DDA1: variants seen among roughly 807,000 people sequenced by gnomAD.
DDA1 encodes DET1- and DDB1-associated protein 1.
DDA1 carries 3 observed loss-of-function variants against 18.6 expected under a neutral mutation model. The observed-to-expected ratio is 0.16, with a 90% CI of 0.07 to 0.42. DDA1 has a LOEUF of 0.42. DDA1 is among the 10% of genes least tolerant of loss of function. DDA1 has a pLI of 0.99. For missense variants in DDA1, 105 were observed against 138.2 expected, an observed-to-expected ratio of 0.76 and a Z score of 1.20; for synonymous variants, 52 against 54.0, an observed-to-expected ratio of 0.96 and a Z score of 0.17.
rs1174779827 is a variant in DDA1 at position 17,321,136 on chromosome 19, T to G, written c.*1480T>G. On this transcript the variant is annotated 3_prime_UTR_variant, in exon 5 of 5. Transcript: ENST00000359866. Reference sequence around the variant, plus strand: ...GCACCCACCACCATGCCTGGCTAATTTTTTTTTTTTTTTGAGATGGAGTCT... The same window carrying G: ...GCACCCACCACCATGCCTGGCTAATGTTTTTTTTTTTTTGAGATGGAGTCT... 3 of 143,436 alleles carry G rather than the reference T, an allele frequency of 2.1e-5. No homozygotes were observed. Among genetic ancestry groups the G allele is most frequent in the Non-Finnish European group, 4.5e-5 (3 of 66,010 alleles). The allele number at this position is 143,436 out of a possible 1,614,324, so 8.9% of individuals were successfully genotyped here.
intron 1 of DDA1, among the ~76,000 whole-genome samples, chr19:17,309,941 G>A (rs1178965774): frequency 6.7e-6 from 1 of 148,152 alleles, no homozygotes; most frequent in Non-Finnish European, 1.5e-5. Context: ...ATCGTCTGGG[G>A]TGGGGATGGG....
chr19:17,315,166 T>TGTATACACACAC (rs1568353631), intron 3 of DDA1, among the ~76,000 whole-genome samples: 1 of 63,460 alleles, frequency 1.6e-5, no homozygotes, highest in African/African-American at 1.1e-4. Flanking sequence ...TATACACACG[T>TGTATACACACAC]GTATATACAC....
intron 1 of DDA1, among the ~76,000 whole-genome samples, chr19:17,312,337 C>T (rs980446129): frequency 3.3e-5 from 5 of 152,086 alleles, no homozygotes; most frequent in South Asian, 4.1e-4. Flanking sequence ...ATGACCTCGC[C>T]GGGGTGTGAG....
At position 17,321,522 on chromosome 19, in the gene DDA1, A is replaced by C. The variant is rs950871430; in HGVS notation, c.*1866A>C. 6.6e-6 allele frequency: 1 copy of C among 152,588 alleles called. No individual in the cohort carries two copies. The highest frequency in any genetic ancestry group is 2.4e-5 in the African/African-American group (1 of 41,430). 9.5% of individuals were successfully genotyped at this position (152,588 alleles called of 1,614,324 possible). A position where few individuals can be genotyped will look rare whatever the true frequency, so the allele number is the denominator to read the frequency against. ...AGTCATCCACCTTCCTCAGCCTCCCAAAGTGCTGGGGTTACAGACGTGAAC... is the reference window on the plus strand; with the variant it reads ...AGTCATCCACCTTCCTCAGCCTCCCCAAGTGCTGGGGTTACAGACGTGAAC... On this transcript the variant is annotated 3_prime_UTR_variant, in exon 5 of 5. Coordinates refer to ENST00000359866, the MANE Select transcript of DDA1 (RefSeq NM_024050.6).
chr19:17,309,913 T>G (rs1237149058), intron 1 of DDA1, among the ~76,000 whole-genome samples: 1 of 151,568 alleles, frequency 6.6e-6, no homozygotes, highest in Non-Finnish European at 1.5e-5. Flanking sequence ...CATTTCCGGG[T>G]TGCGGCTCCC....
intron 3 of DDA1, among the ~76,000 whole-genome samples, chr19:17,315,429 C>CATATATATATAT (rs56662339): frequency 0.026 from 1,364 of 51,956 alleles, 85 homozygotes; most frequent in African/African-American, 0.066. Flanking sequence ...TGTGTGTGTG[C>CATATATATATAT]ATATATATAT....
intron 3 of DDA1, among the ~76,000 whole-genome samples, chr19:17,315,421 T>TGTGC (rs1568354171): frequency 1.2e-5 from 1 of 82,956 alleles, no homozygotes; most frequent in Non-Finnish European, 2.4e-5. Context: ...TGTGTGTGTG[T>TGTGC]GTGTGTGCAT....
At chr19:17,311,990 C>T (rs886423371) in intron 1 of DDA1, among the ~76,000 whole-genome samples, 3 of 152,138 alleles carry the variant, frequency 2.0e-5, no homozygotes, top group Admixed American at 2.0e-4. Context: ...ATTCATTTGT[C>T]CAACGCAGAC....
chr19:17,312,629 G>A (rs1196539835), intron 1 of DDA1, among the ~76,000 whole-genome samples: 1 of 152,124 alleles, frequency 6.6e-6, no homozygotes, highest in Non-Finnish European at 1.5e-5. Flanking sequence ...CCAGAGCTCT[G>A]CCTTGCACCT....
At chr19:17,315,902 C>T (rs199874472) in intron 3 of DDA1, 32 bp from the exon 4 acceptor site, 7 of 1,610,246 alleles carry the variant, frequency 4.3e-6, no homozygotes, top group East Asian at 2.2e-5. Context: ...GGAGGGGAGG[C>T]GTCTGCGACT....
rs1304602210 is a variant in DDA1 at position 17,314,497 on chromosome 19, C to T, written c.136+108C>T. On this transcript the variant is annotated intron_variant, in intron 3 of 4. Transcript: ENST00000359866. The surrounding 1 kb of genome is among the most constrained non-coding windows in gnomAD (Gnocchi z 4.6). ...CTTCAACCCCGGCCCAGGCCATAGA[C>T]TTGGCTTGGGTTCACACGCTGTCTA... 1.0e-5 allele frequency: 15 copies of T among 1,476,130 alleles called. No homozygotes were observed. The highest frequency in any genetic ancestry group is 2.4e-5 in the South Asian group (2 of 85,080). 91.4% of individuals were successfully genotyped at this position (1,476,130 alleles called of 1,614,324 possible).
chr19:17,314,024 C>G lies in DDA1; in HGVS notation c.5C>G (p.Ala2Gly), dbSNP rs2074191063. 2 of 1,613,914 alleles carry G rather than the reference C, an allele frequency of 1.2e-6. No individual in the cohort carries two copies. Among genetic ancestry groups the G allele is most frequent in the Non-Finnish European group, 8.5e-7 (1 of 1,179,818 alleles). M[A>G]DFLKGLPVYN... ...TGTACCATCTTCCATGTCTTCTAGG[C>G]AGATTTTTTGAAAGGACTGCCTGTC... Residue 2 changes from alanine (A) to glycine (G), a missense_variant and splice_region_variant, in exon 2 of 5, where the codon GCA becomes GGA. This residue lies in a region of DDA1 where 43 missense variants were observed against 82.3 expected (regional missense o/e 0.52). Coordinates refer to ENST00000359866, the MANE Select transcript of DDA1 (RefSeq NM_024050.6). This position sits in a 1 kb window ranked among gnomAD's most constrained non-coding sequence, Gnocchi z 4.6.
intron 1 of DDA1, among the ~76,000 whole-genome samples, chr19:17,311,056 A>G (rs948794062): frequency 1.3e-5 from 2 of 151,938 alleles, no homozygotes; most frequent in African/African-American, 2.4e-5. Context: ...GGGATTCCCT[A>G]TGTTGCCCAG....
In DDA1 at chr19:17,314,209, C is replaced by T. The variant is rs1475056562; in HGVS notation, c.84+106C>T. On this transcript the variant is annotated intron_variant, in intron 2 of 4. Coordinates refer to ENST00000359866, the MANE Select transcript of DDA1 (RefSeq NM_024050.6). This position sits in a 1 kb window ranked among gnomAD's most constrained non-coding sequence, Gnocchi z 4.6. Reference sequence around the variant, plus strand: ...CTTGGCTGGAACAGAGGCTGATCTTCAAGCCCAGCCCCATCCACATACTTG... The same window carrying T: ...CTTGGCTGGAACAGAGGCTGATCTTTAAGCCCAGCCCCATCCACATACTTG... 20 of 1,551,630 alleles carry T rather than the reference C, an allele frequency of 1.3e-5. No individual in the cohort carries two copies. Among genetic ancestry groups the T allele is most frequent in the East Asian group, 2.3e-5 (1 of 44,374 alleles).
intron 1 of DDA1, 31 bp from the exon 2 acceptor site, chr19:17,313,992 T>C: frequency 6.3e-7 from 1 of 1,593,068 alleles, no homozygotes; most frequent in East Asian, 2.2e-5. Flanking sequence ...CCTTGCCTGT[T>C]TTCTCATGTA....
chr19:17,319,644 C>A lies in DDA1; in HGVS notation c.297C>A (p.His99Gln), dbSNP rs778137430. 3 of 1,570,552 alleles carry A rather than the reference C, an allele frequency of 1.9e-6. No individual in the cohort carries two copies. Among genetic ancestry groups the A allele is most frequent in the Middle Eastern group, 3.3e-4 (2 of 6,042 alleles). Residue 99 changes from histidine to glutamine, a missense_variant, in exon 5 of 5, where the codon CAC becomes CAA. Coordinates refer to ENST00000359866, the MANE Select transcript of DDA1 (RefSeq NM_024050.6). ...KVARTDSPDM[H>Q]EDT ...CGCGGACCGACAGCCCAGACATGCA[C>A]GAGGACACTTAAGACTCTCAACTCC...
chr19:17,322,597 C>T lies in DDA1; in HGVS notation c.*2941C>T, dbSNP rs1271283409. The stretch of plus-strand genomic sequence containing the variant: ...GCCTTTGGATGTGGACACATTTGTC[C>T]TCTTCCTGAAAAATGTGAGGGTCTG... On this transcript the variant is annotated 3_prime_UTR_variant, in exon 5 of 5. Coordinates refer to ENST00000359866, the MANE Select transcript of DDA1 (RefSeq NM_024050.6). The T allele has an allele frequency of 2.0e-5, 3 of 152,300 alleles. No individual in the cohort carries two copies. The East Asian group carries it at 5.8e-4, about 29-fold the overall frequency. The allele number at this position is 152,300 out of a possible 1,614,324, so 9.4% of individuals were successfully genotyped here.
rs541497562 is a variant in DDA1 at position 17,317,682 on chromosome 19, A to C, written c.198+1687A>C. Among the ~76,000 whole-genome samples the C allele has an allele frequency of 1.2e-4, 18 of 151,496 alleles. 1 individual carries two copies. Among genetic ancestry groups the C allele is most frequent in the Admixed American group, 9.9e-4 (15 of 15,210 alleles). On this transcript the variant is annotated intron_variant, in intron 4 of 4. Transcript: ENST00000359866. ...AACTCCATCACTAAAAAAAAAAAAA[A>C]AAAAAACAAATTAGCTGGCTGTGGC... is the stretch of plus-strand genomic sequence containing the variant.
intron 3 of DDA1, among the ~76,000 whole-genome samples, chr19:17,315,429 C>CATATTTATAT (rs2074207917): frequency 1.9e-5 from 1 of 52,040 alleles, no homozygotes; most frequent in African/African-American, 7.7e-5. Context: ...TGTGTGTGTG[C>CATATTTATAT]ATATATATAT....
Sources: allele counts gnomAD v4.1 joint callset (sites outside exome capture counted in the v4.1 genomes callset), GRCh38; gene constraint gnomAD v4.1.1; regional missense constraint gnomAD v4.1.1; non-coding constraint Gnocchi (gnomAD v3.1); transcripts MANE v1.5; gene names NCBI Gene and HGNC (gene_info 2026-07-23, HGNC 2026-07-21).